Variants in CCNI observed in about 807,000 individuals in gnomAD.
The protein encoded by CCNI is cyclin-I.
CCNI carries 14 observed loss-of-function variants against 34.1 expected under a neutral mutation model. The ratio of observed to expected loss-of-function variants is 0.41; its 90% CI spans 0.27 to 0.64. The LOEUF (loss-of-function observed/expected upper bound fraction) is 0.64. Among genes scored for constraint, CCNI ranks in the 30% least tolerant of loss-of-function variants. CCNI has a pLI of 0.31. For missense variants in CCNI, 385 were observed against 440.5 expected, an observed-to-expected ratio of 0.87 and a Z score of 1.13; for synonymous variants, 154 against 158.4, an observed-to-expected ratio of 0.97 and a Z score of 0.21.
intron 2 of CCNI, chr4:77,064,581 G>GCACACACA (rs1447978506): frequency 9.3e-6 from 1 of 107,434 alleles, no homozygotes; most frequent in Non-Finnish European, 1.9e-5. Flanking sequence ...ACATGCGCGC[G>GCACACACA]CGCGCACACA....
chr4:77,064,903 C>T (rs572919731), intron 2 of CCNI: 2 of 152,332 alleles, frequency 1.3e-5, no homozygotes, highest in East Asian at 1.9e-4. Flanking sequence ...TGGTCTCGAA[C>T]GCCTGACCTC....
chr4:77,058,061 A>G (rs1388478246), intron 3 of CCNI, among the ~76,000 whole-genome samples: 2 of 152,272 alleles, frequency 1.3e-5, no homozygotes, highest in Non-Finnish European at 2.9e-5. Context: ...TGCTTTTTAA[A>G]CAATAGTAGA....
chr4:77,056,598 T>C, intron 3 of CCNI: 1 of 261,596 alleles, frequency 3.8e-6, no homozygotes, highest in East Asian at 8.1e-5. Flanking sequence ...TTTTTTTTTT[T>C]TTTTTTTTTG....
chr4:77,056,082 T>C lies in CCNI; in HGVS notation c.339A>G (p.Val113=), dbSNP rs4252901. ...EEDERIPVLK[V]LARDSFCGCS... Reference sequence around the variant, plus strand: ...ATCCACAGAAACTGTCTCTTGCCAATACCTTTAGTACTGGAATTCTCTATC... The same window carrying C: ...ATCCACAGAAACTGTCTCTTGCCAACACCTTTAGTACTGGAATTCTCTATC... The change falls in exon 5 of 7, where the codon GTA becomes GTG. Residue 113 remains valine (V), a synonymous_variant. Transcript: ENST00000237654. 17,988 of 1,613,458 alleles carry C rather than the reference T, an allele frequency of 0.011. 1,665 individuals are homozygous for C. In the African/African-American group the frequency reaches 0.2, roughly 18 times the overall value.
chr4:77,067,888 G>A (rs1289557467), intron 1 of CCNI, among the ~76,000 whole-genome samples: 1 of 149,460 alleles, frequency 6.7e-6, no homozygotes, highest in Admixed American at 6.7e-5. Context: ...TAAAGAATGT[G>A]AAAAGGTGGC....
At chr4:77,049,512 A>G (rs1213415620) in intron 6 of CCNI, among the ~76,000 whole-genome samples, 1 of 152,090 alleles carries the variant, frequency 6.6e-6, no homozygotes, top group Non-Finnish European at 1.5e-5. Flanking sequence ...CCCCTTCTCT[A>G]CTAAAAATAC....
chr4:77,051,991 G>C (rs1483874194), intron 6 of CCNI, among the ~76,000 whole-genome samples: 1 of 150,330 alleles, frequency 6.7e-6, no homozygotes, highest in Non-Finnish European at 1.5e-5. Context: ...TTTACTTTTA[G>C]ATGGTACATG....
chr4:77,052,307 T>C (rs1256062153), intron 6 of CCNI, among the ~76,000 whole-genome samples: 2 of 152,190 alleles, frequency 1.3e-5, no homozygotes, highest in African/African-American at 4.8e-5. Flanking sequence ...TTCTGTTTTA[T>C]GGCTGCACCT....
chr4:77,070,643 G>C (rs755070262), intron 1 of CCNI, among the ~76,000 whole-genome samples: 1 of 152,006 alleles, frequency 6.6e-6, no homozygotes, highest in Non-Finnish European at 1.5e-5. Flanking sequence ...TCAACAATTT[G>C]GTAGGCAAGC....
chr4:77,066,999 C>T (rs931348747), intron 1 of CCNI, among the ~76,000 whole-genome samples: 2 of 152,000 alleles, frequency 1.3e-5, no homozygotes, highest in East Asian at 1.9e-4. Context: ...TTTGGGAGGC[C>T]GAGGCGGGTG....
intron 4 of CCNI, 72 bp from the exon 5 acceptor site, chr4:77,056,174 T>C (rs958660671): frequency 1.3e-5 from 21 of 1,599,524 alleles, no homozygotes; most frequent in East Asian, 2.2e-5. Context: ...ATTTTTGTTT[T>C]AGCAAACGAA....
intron 2 of CCNI, 120 bp from the exon 3 acceptor site, chr4:77,058,755 G>T: frequency 1.3e-6 from 1 of 786,860 alleles, no homozygotes; most frequent in Non-Finnish European, 2.0e-6. Flanking sequence ...AAATGTTAAG[G>T]TTATTCAAAA....
chr4:77,070,645 T>C (rs150337661), intron 1 of CCNI, among the ~76,000 whole-genome samples: 11 of 152,284 alleles, frequency 7.2e-5, no homozygotes, highest in Non-Finnish European at 1.3e-4. Context: ...AACAATTTGG[T>C]AGGCAAGCTC....
At chr4:77,063,117 T>C (rs1728732172) in intron 2 of CCNI, among the ~76,000 whole-genome samples, 1 of 152,054 alleles carries the variant, frequency 6.6e-6, no homozygotes, top group Admixed American at 6.6e-5. Context: ...GACAGCTGCA[T>C]AATATTCTTG....
chr4:77,065,596 A>C (rs1483798753), intron 2 of CCNI, among the ~76,000 whole-genome samples: 1 of 152,236 alleles, frequency 6.6e-6, no homozygotes, highest in Non-Finnish European at 1.5e-5. Flanking sequence ...TTGACTAAAG[A>C]CAATGGTATG....
intron 6 of CCNI, among the ~76,000 whole-genome samples, chr4:77,052,589 G>A (rs920299290): frequency 6.6e-6 from 1 of 152,134 alleles, no homozygotes; most frequent in African/African-American, 2.4e-5. Flanking sequence ...CAGAACTAGT[G>A]AGAGTGGCCT....
intron 5 of CCNI, 69 bp from the exon 6 acceptor site, chr4:77,055,449 C>G: frequency 1.0e-6 from 1 of 984,112 alleles, no homozygotes; most frequent in Non-Finnish European, 1.5e-6. Context: ...GAAATTGATG[C>G]AACCTATTCA....
At chr4:77,067,780 C>A (rs1448335230) in intron 1 of CCNI, among the ~76,000 whole-genome samples, 1 of 112,782 alleles carries the variant, frequency 8.9e-6, no homozygotes, top group African/African-American at 3.8e-5. Context: ...ACCGTGCAGG[C>A]TTCTAGGTTT....
At position 77,052,855 on chromosome 4, in the gene CCNI, A is replaced by G. The variant is rs4252917; in HGVS notation, c.690+2295T>C. 2.8e-3 allele frequency among the ~76,000 whole-genome samples: 427 copies of G among 152,314 alleles called. 4 individuals are homozygous for G. The highest frequency in any genetic ancestry group is 9.8e-3 in the African/African-American group (409 of 41,578). On this transcript the variant is annotated intron_variant, in intron 6 of 6. Coordinates refer to ENST00000237654, the MANE Select transcript of CCNI (RefSeq NM_006835.3). ...AGTCCTAAAGAACTAGGAGCCATCC[A>G]TGTTTGGACCACATGGGTTGGTGTT...
Sources: gnomAD v4.1 joint callset for allele counts (sites outside exome capture counted in the v4.1 genomes callset) on GRCh38, gnomAD v4.1.1 for gene constraint, MANE v1.5 for transcripts, NCBI Gene and HGNC (gene_info 2026-07-23, HGNC 2026-07-21) for gene names.